LIN52: variants seen among roughly 807,000 people sequenced by gnomAD.
LIN52 encodes lin-52 DREAM MuvB core complex component.
LIN52 carries 4 observed loss-of-function variants against 18.5 expected under a neutral mutation model. The observed-to-expected ratio is 0.22, with a 90% CI of 0.11 to 0.49. The LOEUF is 0.49. Ranked by LOEUF, LIN52 falls within the 20% of genes least tolerant of loss-of-function variation. The pLI is 0.97. For synonymous variants in LIN52, 34 were observed against 45.5 expected (o/e 0.75, Z 1.02); for missense variants, 102 against 139.5 (o/e 0.73, Z 1.35).
chr14:74,124,810 C>CAAAAAAAACAA (rs2061019291), intron 5 of LIN52, among the ~76,000 whole-genome samples: 1 of 59,442 alleles, frequency 1.7e-5, no homozygotes, highest in Non-Finnish European at 3.1e-5. Flanking sequence ...GACCCTGTCT[C>CAAAAAAAACAA]AAAAAAAAAA....
At chr14:74,189,333 A>C (rs781310090) in intron 5 of LIN52, among the ~76,000 whole-genome samples, 1 of 152,192 alleles carries the variant, frequency 6.6e-6, no homozygotes, top group Non-Finnish European at 1.5e-5. Context: ...ATGAGTATTT[A>C]ATAAAAGTTC....
chr14:74,101,793 T>C (rs2060858380), intron 5 of LIN52, among the ~76,000 whole-genome samples: 1 of 152,088 alleles, frequency 6.6e-6, no homozygotes, highest in African/African-American at 2.4e-5. Flanking sequence ...TATATTGAAA[T>C]CCCTTCAGGT....
At chr14:74,180,335 G>A (rs1469132072) in intron 5 of LIN52, among the ~76,000 whole-genome samples, 3 of 140,818 alleles carry the variant, frequency 2.1e-5, no homozygotes, top group Non-Finnish European at 1.5e-5. Flanking sequence ...GCATGATCTC[G>A]GCTCACTGCA....
At chr14:74,096,328 G>A (rs943050601) in intron 3 of LIN52, among the ~76,000 whole-genome samples, 1 of 151,966 alleles carries the variant, frequency 6.6e-6, no homozygotes, top group Admixed American at 6.6e-5. Flanking sequence ...CCAAAGTGCT[G>A]GGATTACAGG....
At chr14:74,182,853 T>C (rs1355341890) in intron 5 of LIN52, among the ~76,000 whole-genome samples, 2 of 152,154 alleles carry the variant, frequency 1.3e-5, no homozygotes, top group Non-Finnish European at 2.9e-5. Context: ...ATAGTTGTTT[T>C]ATGGGCAAAG....
chr14:74,113,965 C>T (rs920220923), intron 5 of LIN52: 1 of 173,506 alleles, frequency 5.8e-6, no homozygotes, highest in East Asian at 1.9e-4. Context: ...ATTTTTCTTT[C>T]TTTTCTTTTT....
At position 74,180,394 on chromosome 14, in the gene LIN52, T is replaced by C. The variant is rs147784128; in HGVS notation, c.284-18528T>C. Among the ~76,000 whole-genome samples the C allele has an allele frequency of 5.8e-3, 883 of 151,696 alleles. 9 individuals are homozygous for C. Among genetic ancestry groups the C allele is most frequent in the African/African-American group, 0.02 (835 of 41,356 alleles). On this transcript the variant is annotated intron_variant, in intron 5 of 5. Coordinates refer to ENST00000555028, the MANE Select transcript of LIN52 (RefSeq NM_001024674.3). ...CATTCTCCTGCCTCAGCCTCCCAAG[T>C]AGCTGGGACTACAGGCGCCTGCCAC...
chr14:74,132,554 G>A (rs1033152936), intron 5 of LIN52, among the ~76,000 whole-genome samples: 2 of 152,152 alleles, frequency 1.3e-5, no homozygotes, highest in African/African-American at 2.4e-5. Flanking sequence ...CTGTCGCCAG[G>A]CTGGAGTGTA....
At chr14:74,125,279 G>A (rs1217111897) in intron 5 of LIN52, among the ~76,000 whole-genome samples, 1 of 152,154 alleles carries the variant, frequency 6.6e-6, no homozygotes, top group Non-Finnish European at 1.5e-5. Context: ...AGCACCTGTT[G>A]TTTCCTGACT....
intron 2 of LIN52, 81 bp from the exon 3 acceptor site, chr14:74,095,867 A>G: frequency 1.2e-6 from 1 of 839,516 alleles, no homozygotes; most frequent in Non-Finnish European, 1.9e-6. Flanking sequence ...AAACAGACAA[A>G]GCTGTTTTCT....
chr14:74,085,692 T>A (rs2060724060), intron 1 of LIN52: 1 of 144,934 alleles, frequency 6.9e-6, no homozygotes, highest in East Asian at 2.0e-4. Context: ...AAAATGCAAG[T>A]CATTTCAAGT....
intron 2 of LIN52, among the ~76,000 whole-genome samples, chr14:74,092,335 C>T (rs565734656): frequency 6.5e-4 from 97 of 148,626 alleles, no homozygotes; most frequent in African/African-American, 2.2e-3. Flanking sequence ...GACGGAGTTT[C>T]GCTCTAGTTG....
intron 5 of LIN52, among the ~76,000 whole-genome samples, chr14:74,106,424 C>G (rs1354042214): frequency 6.6e-6 from 1 of 152,034 alleles, no homozygotes; most frequent in Non-Finnish European, 1.5e-5. Flanking sequence ...TGCAGTGCCA[C>G]CATATCTGGC....
intron 5 of LIN52, among the ~76,000 whole-genome samples, chr14:74,149,368 A>G (rs1034589395): frequency 6.6e-6 from 1 of 152,210 alleles, no homozygotes; most frequent in South Asian, 2.1e-4. Flanking sequence ...ACTGACGTAA[A>G]GCAATTCTCT....
At chr14:74,123,970 A>G (rs905095640) in intron 5 of LIN52, among the ~76,000 whole-genome samples, 2 of 152,210 alleles carry the variant, frequency 1.3e-5, no homozygotes, top group Non-Finnish European at 2.9e-5. Flanking sequence ...ATGCCTCTTA[A>G]TGAGCTGTTG....
At chr14:74,188,672 G>C (rs1055329096) in intron 5 of LIN52, among the ~76,000 whole-genome samples, 1 of 151,818 alleles carries the variant, frequency 6.6e-6, no homozygotes, top group African/African-American at 2.4e-5. Context: ...TTCCTTTGAC[G>C]GGAAAGATTT....
At chr14:74,117,648 T>C (rs183000207) in intron 5 of LIN52, among the ~76,000 whole-genome samples, 3 of 152,326 alleles carry the variant, frequency 2.0e-5, no homozygotes, top group Admixed American at 2.0e-4. Context: ...TTCGTTTGTT[T>C]TTTAGTTATT....
chr14:74,128,436 G>A (rs1475390334), intron 5 of LIN52, among the ~76,000 whole-genome samples: 1 of 152,172 alleles, frequency 6.6e-6, no homozygotes, highest in Non-Finnish European at 1.5e-5. Flanking sequence ...CATCCAAAAG[G>A]ATTGGAAGGA....
At chr14:74,098,469 T>C (rs1357293503) in intron 4 of LIN52, among the ~76,000 whole-genome samples, 1 of 147,902 alleles carries the variant, frequency 6.8e-6, no homozygotes, top group Non-Finnish European at 1.5e-5. Flanking sequence ...TGGCGAACAA[T>C]AGTTCCACTG....
Sources: gnomAD v4.1 joint callset for allele counts (sites outside exome capture counted in the v4.1 genomes callset) on GRCh38, gnomAD v4.1.1 for gene constraint, MANE v1.5 for transcripts, NCBI Gene and HGNC (gene_info 2026-07-23, HGNC 2026-07-21) for gene names.